Variants in SEC23A observed in about 807,000 individuals in gnomAD.
The protein encoded by SEC23A is SEC23 homolog A, COPII component.
Under a neutral mutation model 103.7 loss-of-function variants are expected in SEC23A, and 56 were observed. The observed-to-expected ratio is 0.54, with a 90% CI of 0.44 to 0.67. The LOEUF (loss-of-function observed/expected upper bound fraction) is 0.67. SEC23A is among the 30% of genes least tolerant of loss of function. The pLI is 0.00. For synonymous variants in SEC23A, 281 were observed against 293.0 expected (o/e 0.96, Z 0.42); for missense variants, 784 against 936.4 (o/e 0.84, Z 2.12).
chr14:39,036,955 C>T (rs1480923735), intron 19 of SEC23A, among the ~76,000 whole-genome samples: 1 of 152,174 alleles, frequency 6.6e-6, no homozygotes, highest in Non-Finnish European at 1.5e-5. Context: ...TTTTCTCACT[C>T]TGTATCCCTC....
At chr14:39,056,473 T>C (rs1033334712) in intron 13 of SEC23A, among the ~76,000 whole-genome samples, 5 of 150,334 alleles carry the variant, frequency 3.3e-5, no homozygotes, top group Non-Finnish European at 7.4e-5. Flanking sequence ...TTAGACAAAT[T>C]AGCTTTTTTT....
intron 13 of SEC23A, among the ~76,000 whole-genome samples, chr14:39,058,229 T>C (rs1886313430): frequency 1.3e-5 from 2 of 152,092 alleles, no homozygotes; most frequent in South Asian, 2.1e-4. Context: ...GAGTGATGAG[T>C]GATCCTAAGG....
At chr14:39,043,175 T>C (rs1885709902) in intron 16 of SEC23A, among the ~76,000 whole-genome samples, 1 of 151,968 alleles carries the variant, frequency 6.6e-6, no homozygotes, top group Non-Finnish European at 1.5e-5. Context: ...AGAGATGGGG[T>C]CTCACTATGC....
intron 1 of SEC23A, among the ~76,000 whole-genome samples, chr14:39,097,947 G>T (rs1887943664): frequency 6.6e-6 from 1 of 152,048 alleles, no homozygotes; most frequent in Non-Finnish European, 1.5e-5. Context: ...AAATTAGCTG[G>T]GCAGGGTGGC....
intron 1 of SEC23A, among the ~76,000 whole-genome samples, chr14:39,101,147 A>G (rs1485375675): frequency 6.6e-6 from 1 of 152,138 alleles, no homozygotes; most frequent in African/African-American, 2.4e-5. Context: ...CCCAGCCACT[A>G]GTCTTTATTT....
intron 7 of SEC23A, among the ~76,000 whole-genome samples, chr14:39,079,337 A>C (rs983566325): frequency 6.6e-6 from 1 of 152,210 alleles, no homozygotes; most frequent in Non-Finnish European, 1.5e-5. Flanking sequence ...TTTACATATG[A>C]AAGTATCCTT....
chr14:39,086,675 G>T (rs1887456111), intron 6 of SEC23A, among the ~76,000 whole-genome samples: 1 of 151,870 alleles, frequency 6.6e-6, no homozygotes, highest in Non-Finnish European at 1.5e-5. Flanking sequence ...ACAAAAACAA[G>T]TTTTTTCCAA....
intron 19 of SEC23A, among the ~76,000 whole-genome samples, chr14:39,035,070 G>A (rs1324317411): frequency 6.6e-6 from 1 of 152,086 alleles, no homozygotes; most frequent in Non-Finnish European, 1.5e-5. Flanking sequence ...GTTAGACCTT[G>A]GTTAAAATCT....
chr14:39,096,672 A>G (rs1887904320), intron 1 of SEC23A, among the ~76,000 whole-genome samples: 1 of 152,210 alleles, frequency 6.6e-6, no homozygotes, highest in Non-Finnish European at 1.5e-5. Context: ...TATTCACTCT[A>G]AAAGATGATG....
At chr14:39,050,776 G>C (rs933499475) in intron 14 of SEC23A, among the ~76,000 whole-genome samples, 4 of 151,258 alleles carry the variant, frequency 2.6e-5, no homozygotes, top group Non-Finnish European at 5.9e-5. Context: ...AAGTAATATG[G>C]CAAGATCCCA....
chr14:39,061,270 G>C lies in SEC23A; in HGVS notation c.1505+495C>G, dbSNP rs550625151. 2.0e-3 allele frequency among the ~76,000 whole-genome samples: 305 copies of C among 152,144 alleles called. 1 individual carries two copies. Among genetic ancestry groups the C allele is most frequent in the African/African-American group, 6.9e-3 (288 of 41,528 alleles). ...ACACTGTCATACAGCAGGAGGCTAA[G>C]TACGTTCACGGCTTCCGCATTCATA... On this transcript the variant is annotated intron_variant, in intron 13 of 19. Coordinates refer to ENST00000307712, the MANE Select transcript of SEC23A (RefSeq NM_006364.4).
rs1594433289 is a variant in SEC23A at position 39,039,210 on chromosome 14, T to C, written c.2143-114A>G. The C allele has an allele frequency of 6.0e-6, 5 of 827,698 alleles. No individual in the cohort carries two copies. In the East Asian group the frequency reaches 1.3e-4, roughly 22 times the overall value. 51.3% of individuals were successfully genotyped at this position (827,698 alleles called of 1,614,324 possible). A position where few individuals can be genotyped will look rare whatever the true frequency, so the allele number is the denominator to read the frequency against. Reference sequence around the variant, plus strand: ...ATTTAGTATGTGTTGGTAAAATTAATTTTATTAACTTAATTTTTAAAAGAT... The same window carrying C: ...ATTTAGTATGTGTTGGTAAAATTAACTTTATTAACTTAATTTTTAAAAGAT... On this transcript the variant is annotated intron_variant, in intron 18 of 19. Transcript: ENST00000307712.
chr14:39,048,545 A>T (rs1885929084), intron 15 of SEC23A, 107 bp downstream of exon 15: 1 of 726,720 alleles, frequency 1.4e-6, no homozygotes, highest in Non-Finnish European at 2.4e-6. Context: ...GGTTACAGTG[A>T]GCTATGATGG....
At chr14:39,053,198 G>T (rs1001513842) in intron 14 of SEC23A, among the ~76,000 whole-genome samples, 1 of 152,142 alleles carries the variant, frequency 6.6e-6, no homozygotes, top group African/African-American at 2.4e-5. Flanking sequence ...AGTACAATAA[G>T]TCAAAGCACT....
intron 15 of SEC23A, chr14:39,047,475 G>A (rs1304360817): frequency 9.8e-7 from 1 of 1,021,438 alleles, no homozygotes; most frequent in South Asian, 1.5e-5. Flanking sequence ...AGATCAATCA[G>A]CAATAAAGGA....
intron 2 of SEC23A, among the ~76,000 whole-genome samples, chr14:39,093,979 G>GA (rs1281503485): frequency 6.6e-6 from 1 of 151,568 alleles, no homozygotes; most frequent in Non-Finnish European, 1.5e-5. Flanking sequence ...TTACATTCTA[G>GA]AAAAAACAGA....
At chr14:39,052,877 T>C (rs1419847974) in intron 14 of SEC23A, among the ~76,000 whole-genome samples, 3 of 152,222 alleles carry the variant, frequency 2.0e-5, no homozygotes, top group Admixed American at 1.3e-4. Flanking sequence ...AGCTCACGCC[T>C]GTAATCCCAG....
intron 7 of SEC23A, 142 bp downstream of exon 7, chr14:39,085,620 G>T (rs1210335625): frequency 5.1e-6 from 5 of 985,448 alleles, no homozygotes; most frequent in Non-Finnish European, 7.7e-6. Flanking sequence ...AGTATTCTTT[G>T]TTGATGCTGA....
chr14:39,085,689 T>TACAC lies in SEC23A; in HGVS notation c.828+69_828+72dup, dbSNP rs59136053. The TACAC allele has an allele frequency of 5.8e-3, 6,936 of 1,192,522 alleles. 13 individuals are homozygous for TACAC. The highest frequency in any genetic ancestry group is 8.8e-3 in the Admixed American group (475 of 54,078). 73.9% of individuals were successfully genotyped at this position (1,192,522 alleles called of 1,614,324 possible). A position where few individuals can be genotyped will look rare whatever the true frequency, so the allele number is the denominator to read the frequency against. ...TTCTTCTTATCCTTATAATTATATA[T>TACAC]ACACACACACACACACACACACACA... On this transcript the variant is annotated intron_variant, in intron 7 of 19. Coordinates refer to ENST00000307712, the MANE Select transcript of SEC23A (RefSeq NM_006364.4).
Sources: allele counts gnomAD v4.1 joint callset (sites outside exome capture counted in the v4.1 genomes callset), GRCh38; gene constraint gnomAD v4.1.1; transcripts MANE v1.5; gene names NCBI Gene and HGNC (gene_info 2026-07-23, HGNC 2026-07-21).